SLC17A5: variants seen among roughly 807,000 people sequenced by gnomAD.
SLC17A5 encodes the protein solute carrier family 17 member 5.
In SLC17A5, 47 loss-of-function variants were observed where a neutral mutation model predicts 59.4. The ratio of observed to expected loss-of-function variants is 0.79; its 90% CI spans 0.63 to 1.01. The LOEUF (loss-of-function observed/expected upper bound fraction) is 1.01. Among genes scored for constraint, SLC17A5 ranks in the 50% least tolerant of loss-of-function variants. SLC17A5 has a pLI of 0.00. For synonymous variants in SLC17A5, 202 were observed against 210.7 expected (o/e 0.96, Z 0.36); for missense variants, 522 against 595.5 (o/e 0.88, Z 1.28).
At chr6:73,621,100 G>A (rs1768128592) in intron 7 of SLC17A5, among the ~76,000 whole-genome samples, 1 of 151,908 alleles carries the variant, frequency 6.6e-6, no homozygotes, top group African/African-American at 2.4e-5. Flanking sequence ...CCGCTTCCCG[G>A]GTTCAAGCAA....
chr6:73,598,627 C>A (rs1283982523), intron 10 of SLC17A5, among the ~76,000 whole-genome samples: 3 of 151,938 alleles, frequency 2.0e-5, no homozygotes, highest in Admixed American at 6.6e-5. Flanking sequence ...GAGACTTCAT[C>A]TCAAAAAGAA....
intron 3 of SLC17A5, among the ~76,000 whole-genome samples, chr6:73,640,724 T>C (rs557959778): frequency 2.0e-5 from 3 of 152,156 alleles, no homozygotes; most frequent in Admixed American, 2.0e-4. Flanking sequence ...GTGAAAATTA[T>C]TAAGTATGGG....
At chr6:73,633,946 AT>A (rs1368772887) in intron 6 of SLC17A5, among the ~76,000 whole-genome samples, 1 of 152,096 alleles carries the variant, frequency 6.6e-6, no homozygotes, top group African/African-American at 2.4e-5. Flanking sequence ...AGTCTTAAAT[AT>A]TTTATGTTCT....
chr6:73,601,925 C>T (rs1175275749), intron 9 of SLC17A5, among the ~76,000 whole-genome samples: 1 of 151,932 alleles, frequency 6.6e-6, no homozygotes, highest in Non-Finnish European at 1.5e-5. Context: ...GCCACCACCC[C>T]GTCTGGGAGG....
chr6:73,635,426 A>G lies in SLC17A5; in HGVS notation c.775T>C (p.Ser259Pro), dbSNP rs1434622185. The G allele has an allele frequency of 1.9e-6, 3 of 1,609,046 alleles. No individual in the cohort carries two copies. The East Asian group carries it at 6.7e-5, about 36-fold the overall frequency. The stretch of plus-strand genomic sequence containing the variant: ...AGAATGTATTCCTTTTCATAATGGG[A>G]AATTCTCTTGTGTTTTTGTGGTGTG... ...SDTPQKHKRI[S>P]HYEKEYILSS... The change falls in exon 6 of 11, where the codon TCC (serine) becomes CCC (proline). Residue 259 changes from serine (S) to proline (P), a missense_variant. Coordinates refer to ENST00000355773, the MANE Select transcript of SLC17A5 (RefSeq NM_012434.5).
chr6:73,645,450 G>T (rs1053125728), intron 1 of SLC17A5: 1 of 985,098 alleles, frequency 1.0e-6, no homozygotes, highest in Non-Finnish European at 1.2e-6. Flanking sequence ...AGCGTAAAGG[G>T]CTCACAGTAA....
In SLC17A5 at chr6:73,615,308, C is replaced by T. The variant is rs146729568; in HGVS notation, c.1111+7G>A. Reference sequence around the variant, plus strand: ...AAACCAAAACAAAACCTGATTGCTTCACTTACCTATAAGGCTAAAAATTCT... The same window carrying T: ...AAACCAAAACAAAACCTGATTGCTTTACTTACCTATAAGGCTAAAAATTCT... On this transcript the variant is annotated splice_region_variant and intron_variant, in intron 8 of 10. Transcript: ENST00000355773. 0.026 allele frequency: 41,823 copies of T among 1,613,746 alleles called. 712 individuals are homozygous for T. Among genetic ancestry groups the T allele is most frequent in the Non-Finnish European group, 0.028 (33,228 of 1,179,822 alleles).
chr6:73,611,801 A>T (rs1002083544), intron 8 of SLC17A5, among the ~76,000 whole-genome samples: 6 of 53,244 alleles, frequency 1.1e-4, no homozygotes, highest in Admixed American at 9.0e-4. Flanking sequence ...GAGGAACTTT[A>T]AAAAAAGTTC....
At chr6:73,635,042 AAG>A (rs1768929596) in intron 6 of SLC17A5, among the ~76,000 whole-genome samples, 1 of 152,152 alleles carries the variant, frequency 6.6e-6, no homozygotes, top group Admixed American at 6.5e-5. Context: ...TAAAAAATGA[AAG>A]AACTGAAATT....
chr6:73,641,718 T>G lies in SLC17A5; in HGVS notation c.498A>C (p.Val166=). ...AADLGVGPLI[V]LRALEGLGEG... ...CTCCTAGTCCTTCTAGTGCTCTGAG[T>G]ACAATGAGTGGTCCAACTCCTAAAT... Residue 166 remains valine, a synonymous_variant, in exon 3 of 11, where the codon GTA becomes GTC. Transcript: ENST00000355773. The G allele has an allele frequency of 6.2e-7, 1 of 1,613,884 alleles. No homozygotes were observed.
At position 73,621,843 on chromosome 6, in the gene SLC17A5, A is replaced by G; in HGVS notation, c.939T>C (p.Pro313=). The change falls in exon 7 of 11, where the codon CCT becomes CCC. Residue 313 remains proline, a synonymous_variant. Transcript: ENST00000355773. The stretch of plus-strand genomic sequence containing the variant: ...ACCTTAGGATCTCCTTCATATAAGT[A>G]GGCAATAATGTCAATAAAGTATAAA... ...WTFYTLLTLL[P]TYMKEILRFN... 1 of 1,612,766 alleles carries G rather than the reference A, an allele frequency of 6.2e-7. No homozygotes were observed. Among genetic ancestry groups the G allele is most frequent in the Admixed American group, 1.7e-5 (1 of 60,018 alleles).
chr6:73,602,557 G>A (rs941397744), intron 9 of SLC17A5, among the ~76,000 whole-genome samples: 2 of 152,076 alleles, frequency 1.3e-5, no homozygotes, highest in Admixed American at 6.6e-5. Context: ...GGTGGATCAC[G>A]AGGTCAGGAG....
chr6:73,641,928 C>T lies in SLC17A5; in HGVS notation c.292-4G>A, dbSNP rs370580788. The T allele has an allele frequency of 6.2e-6, 10 of 1,611,764 alleles. No homozygotes were observed. The highest frequency in any genetic ancestry group is 4.0e-5 in the African/African-American group (3 of 74,878). The stretch of plus-strand genomic sequence containing the variant: ...CATCCCATTGGTACTTCTTACCCTA[C>T]AAAAATCAGAAAAGAATAAAACAAT... On this transcript the variant is annotated splice_polypyrimidine_tract_variant and splice_region_variant and intron_variant, in intron 2 of 10. Transcript: ENST00000355773.
In SLC17A5 at chr6:73,621,932, G is replaced by A. The variant is rs1561992697; in HGVS notation, c.850C>T (p.Pro284Ser). Residue 284 changes from proline to serine, a missense_variant, in exon 7 of 11, where the codon CCC becomes TCC. Physicochemically the swap from Pro to Ser is moderately conservative, Grantham distance 74. This residue lies in a region of SLC17A5 where 338 missense variants were observed against 363.8 expected (regional missense o/e 0.93). Transcript: ENST00000355773. ...LSSQKSVPWV[P>S]ILKSLPLWAI... Reference sequence around the variant, plus strand: ...CAAAGTGGCAGGGATTTTAAAATGGGTACCCACGGCACTGACTTCTGTGAA... The same window carrying A: ...CAAAGTGGCAGGGATTTTAAAATGGATACCCACGGCACTGACTTCTGTGAA... 2 of 1,613,882 alleles carry A rather than the reference G, an allele frequency of 1.2e-6. No homozygotes were observed. Among genetic ancestry groups the A allele is most frequent in the Non-Finnish European group, 1.7e-6 (2 of 1,179,972 alleles).
At chr6:73,646,418 CTTCTT>C (rs1769568099) in intron 1 of SLC17A5, among the ~76,000 whole-genome samples, 1 of 152,016 alleles carries the variant, frequency 6.6e-6, no homozygotes, top group African/African-American at 2.4e-5. Context: ...GTAAGATTAA[CTTCTT>C]TTAACAGGAA....
At chr6:73,599,501 C>T (rs1766961786) in intron 10 of SLC17A5, among the ~76,000 whole-genome samples, 1 of 152,232 alleles carries the variant, frequency 6.6e-6, no homozygotes, top group South Asian at 2.1e-4. Context: ...GAAGTGCTGG[C>T]ATTATCAGTA....
intron 9 of SLC17A5, among the ~76,000 whole-genome samples, chr6:73,601,648 A>G (rs1767110274): frequency 1.4e-5 from 1 of 70,672 alleles, no homozygotes; most frequent in Admixed American, 1.5e-4. Flanking sequence ...GGGGGGGGTC[A>G]GCCCCCCGCC....
intron 10 of SLC17A5, among the ~76,000 whole-genome samples, chr6:73,596,166 T>C (rs1561982488): frequency 6.6e-6 from 1 of 152,040 alleles, no homozygotes; most frequent in Non-Finnish European, 1.5e-5. Context: ...GATAGATAGA[T>C]ATACTTCAAT....
At chr6:73,607,566 G>A (rs903609919) in intron 9 of SLC17A5, among the ~76,000 whole-genome samples, 2 of 151,946 alleles carry the variant, frequency 1.3e-5, no homozygotes, top group African/African-American at 4.8e-5. Flanking sequence ...ACACCCGGCC[G>A]ACCATAGCTC....
Sources: gnomAD v4.1 joint callset for allele counts (sites outside exome capture counted in the v4.1 genomes callset) on GRCh38, gnomAD v4.1.1 for gene constraint, gnomAD v4.1.1 regional missense constraint, MANE v1.5 for transcripts, NCBI Gene and HGNC (gene_info 2026-07-23, HGNC 2026-07-21) for gene names.